The following CACNA1E variants were observed in gnomAD, a reference collection of about 807,000 sequenced individuals.
CACNA1E encodes the protein calcium voltage-gated channel subunit alpha1 E, also known as voltage-dependent R-type calcium channel subunit alpha-1E.
A neutral mutation model predicts 259.2 loss-of-function variants in CACNA1E; 40 were observed. The ratio of observed to expected loss-of-function variants is 0.15; its 90% CI spans 0.12 to 0.20. CACNA1E has a LOEUF of 0.20. Ranked by LOEUF, CACNA1E falls within the 10% of genes least tolerant of loss-of-function variation. The pLI, the probability that CACNA1E is intolerant of heterozygous loss-of-function variation, is 1.00. For synonymous variants in CACNA1E, 1,104 were observed against 1,138.5 expected (o/e 0.97, Z 0.61); for missense variants, 1,874 against 3,040.1 (o/e 0.62, Z 9.02).
chr1:181,410,672 G>A (rs890791865), intron 1 of CACNA1E, among the ~76,000 whole-genome samples: 7 of 152,154 alleles, frequency 4.6e-5, no homozygotes, highest in Admixed American at 1.3e-4. Flanking sequence ...ATGTGGTAGA[G>A]ACACTGTGAT....
intron 3 of CACNA1E, among the ~76,000 whole-genome samples, chr1:181,559,968 A>G (rs1649146575): frequency 6.6e-6 from 1 of 152,246 alleles, no homozygotes; most frequent in Admixed American, 6.5e-5. Context: ...TTCAGTCCAC[A>G]TTGGTATTAG....
intron 7 of CACNA1E, among the ~76,000 whole-genome samples, chr1:181,687,351 C>A (rs1461151733): frequency 6.6e-6 from 1 of 152,204 alleles, no homozygotes; most frequent in East Asian, 1.9e-4. Flanking sequence ...TTCATACCCC[C>A]ACTTGGAGTT....
chr1:181,561,748 A>G (rs575491040), intron 3 of CACNA1E, among the ~76,000 whole-genome samples: 6 of 152,330 alleles, frequency 3.9e-5, no homozygotes, highest in African/African-American at 7.2e-5. Flanking sequence ...ATAAATAACT[A>G]TTCATTGCTG....
At chr1:181,479,907 G>C (rs1663118011), upstream of CACNA1E, among the ~76,000 whole-genome samples, 1 of 152,160 alleles carries the variant, frequency 6.6e-6, no homozygotes, top group Admixed American at 6.5e-5. Context: ...TGTGTTACCA[G>C]GCTCACCTCA....
At chr1:181,357,978 G>GGTGA (rs1653580964) in intron 1 of CACNA1E, among the ~76,000 whole-genome samples, 1 of 152,162 alleles carries the variant, frequency 6.6e-6, no homozygotes, top group African/African-American at 2.4e-5. Context: ...ATGAAAAGGA[G>GGTGA]GTGAGAGATT....
At chr1:181,469,422 A>T (rs1571941567) in intron 2 of CACNA1E, among the ~76,000 whole-genome samples, 1 of 152,294 alleles carries the variant, frequency 6.6e-6, no homozygotes, top group East Asian at 1.9e-4. Flanking sequence ...GAGACCTAGG[A>T]GGGAGCTGGT....
intron 1 of CACNA1E, among the ~76,000 whole-genome samples, chr1:181,325,612 C>A (rs1277400571): frequency 6.6e-6 from 1 of 151,974 alleles, no homozygotes; most frequent in Non-Finnish European, 1.5e-5. Context: ...TGTGGAGCAT[C>A]CAGCATGTGC....
chr1:181,791,909 G>T (rs1306089471), intron 44 of CACNA1E, among the ~76,000 whole-genome samples: 1 of 152,104 alleles, frequency 6.6e-6, no homozygotes, highest in Non-Finnish European at 1.5e-5. Flanking sequence ...ACACTCAGTA[G>T]CTCAAACAAA....
At chr1:181,461,268 G>A (rs1461948501) in intron 2 of CACNA1E, among the ~76,000 whole-genome samples, 10 of 152,276 alleles carry the variant, frequency 6.6e-5, no homozygotes, top group East Asian at 3.9e-4. Context: ...TGGGCCGGGC[G>A]CAGTGGCTCA....
intron 3 of CACNA1E, among the ~76,000 whole-genome samples, chr1:181,542,152 A>G (rs538334097): frequency 9.2e-5 from 14 of 152,254 alleles, no homozygotes; most frequent in Middle Eastern, 3.4e-3. Flanking sequence ...TGTTCAGATA[A>G]CTGCAAACCC....
At chr1:181,352,469 G>T (rs1172435816) in intron 1 of CACNA1E, among the ~76,000 whole-genome samples, 2 of 152,098 alleles carry the variant, frequency 1.3e-5, no homozygotes, top group African/African-American at 4.8e-5. Context: ...AAAGAATATT[G>T]TTTTTCTTAG....
chr1:181,720,674 G>C (rs1309544203), intron 14 of CACNA1E, 109 bp from the exon 15 acceptor site: 3 of 722,544 alleles, frequency 4.2e-6, no homozygotes, highest in Admixed American at 2.1e-5. Flanking sequence ...GGAAGAGGGG[G>C]GTTGTAGAAG....
At position 181,530,714 on chromosome 1, in the gene CACNA1E, C is replaced by T. The variant is rs150003102; in HGVS notation, c.512+19204C>T. Reference sequence around the variant, plus strand: ...GTACCTTTACCTGTCTACCTTCCTCCCATCCCTTCTGCTGGCCAGTAGCAT... The same window carrying T: ...GTACCTTTACCTGTCTACCTTCCTCTCATCCCTTCTGCTGGCCAGTAGCAT... On this transcript the variant is annotated intron_variant, in intron 3 of 47. Coordinates refer to ENST00000367573, the MANE Select transcript of CACNA1E (RefSeq NM_001205293.3). Among the ~76,000 whole-genome samples, 792 of 152,280 alleles carry T rather than the reference C, an allele frequency of 5.2e-3. 4 individuals carry two copies. Among genetic ancestry groups the T allele is most frequent in the African/African-American group, 0.018 (751 of 41,564 alleles).
intron 6 of CACNA1E, among the ~76,000 whole-genome samples, chr1:181,639,532 G>T (rs530329718): frequency 1.3e-5 from 2 of 152,322 alleles, no homozygotes; most frequent in African/African-American, 4.8e-5. Context: ...GTCTGCATGG[G>T]TTTAGGTCAG....
chr1:181,537,110 T>TG (rs1668234375), intron 3 of CACNA1E, among the ~76,000 whole-genome samples: 1 of 147,540 alleles, frequency 6.8e-6, no homozygotes, highest in African/African-American at 2.5e-5. Context: ...TTTTTTTTTT[T>TG]TTTTTTGAGA....
intron 6 of CACNA1E, among the ~76,000 whole-genome samples, chr1:181,641,656 A>G (rs918480110): frequency 6.7e-6 from 1 of 149,326 alleles, no homozygotes; most frequent in Non-Finnish European, 1.5e-5. Flanking sequence ...ATGGTCTTCA[A>G]CCTCGGGTAG....
intron 32 of CACNA1E, among the ~76,000 whole-genome samples, chr1:181,759,870 G>A (rs1219965756): frequency 6.6e-6 from 1 of 152,214 alleles, no homozygotes; most frequent in Admixed American, 6.5e-5. Context: ...TACGGGGGCT[G>A]CTTTTGGTCT....
chr1:181,474,058 TA>T, intron 2 of CACNA1E, among the ~76,000 whole-genome samples: 1 of 152,282 alleles, frequency 6.6e-6, no homozygotes, highest in African/African-American at 2.4e-5. Context: ...TCTTTGTAAT[TA>T]TTCTTTATTT....
At chr1:181,462,365 A>G (rs1002871889) in intron 2 of CACNA1E, among the ~76,000 whole-genome samples, 54 of 152,160 alleles carry the variant, frequency 3.5e-4, no homozygotes, top group African/African-American at 1.3e-3. Flanking sequence ...TGCTAATTCC[A>G]ACCTCACCCA....
Sources: gnomAD v4.1 joint callset for allele counts (sites outside exome capture counted in the v4.1 genomes callset) on GRCh38, gnomAD v4.1.1 for gene constraint, MANE v1.5 for transcripts, NCBI Gene and HGNC (gene_info 2026-07-23, HGNC 2026-07-21) for gene names.